Variants in EYS observed in about 807,000 individuals in gnomAD.
The protein encoded by EYS is protein eyes shut homolog.
A neutral mutation model predicts 282.1 loss-of-function variants in EYS; 250 were observed. The ratio of observed to expected loss-of-function variants is 0.89; its 90% CI spans 0.80 to 0.98. EYS has a LOEUF of 0.98. EYS is among the 50% of genes least tolerant of loss of function. The pLI, the probability that EYS is intolerant of heterozygous loss-of-function variation, is 0.00. For synonymous variants in EYS, 1,355 were observed against 1,282.9 expected (o/e 1.06, Z -1.20); for missense variants, 4,016 against 3,709.0 (o/e 1.08, Z -2.15).
At chr6:64,700,039 T>A (rs1770725248) in intron 22 of EYS, among the ~76,000 whole-genome samples, 1 of 151,954 alleles carries the variant, frequency 6.6e-6, no homozygotes, top group Admixed American at 6.6e-5. Flanking sequence ...TATACCATAA[T>A]CAAGTGGGTT....
At position 65,319,278 on chromosome 6, in the gene EYS, G is replaced by A. The variant is rs547825240; in HGVS notation, c.1766+15702C>T. 6.0e-5 allele frequency among the ~76,000 whole-genome samples: 9 copies of A among 150,484 alleles called. No individual in the cohort carries two copies. The South Asian group carries it at 1.9e-3, about 32-fold the overall frequency. On this transcript the variant is annotated intron_variant, in intron 11 of 42. Coordinates refer to ENST00000503581, the MANE Select transcript of EYS (RefSeq NM_001142800.2). ...GCCTGTAATCCCAGCTACTTGGGAG[G>A]CGGAGGCAGGAGAATCTCTTTAACC... is the stretch of plus-strand genomic sequence containing the variant.
At chr6:64,700,841 A>C (rs1770760925) in intron 22 of EYS, among the ~76,000 whole-genome samples, 1 of 152,050 alleles carries the variant, frequency 6.6e-6, no homozygotes, top group African/African-American at 2.4e-5. Flanking sequence ...TCAAAATATC[A>C]TCATCACGTT....
chr6:64,736,223 C>A (rs781651546), intron 22 of EYS, among the ~76,000 whole-genome samples: 5 of 152,030 alleles, frequency 3.3e-5, no homozygotes, highest in Non-Finnish European at 7.4e-5. Context: ...CTTTTCATTA[C>A]ATGTTTTAAG....
At chr6:64,782,866 G>A (rs765659982) in intron 22 of EYS, among the ~76,000 whole-genome samples, 5 of 152,132 alleles carry the variant, frequency 3.3e-5, no homozygotes, top group African/African-American at 9.7e-5. Flanking sequence ...TAGTATTTAC[G>A]ATTCAAGTAC....
chr6:64,994,896 G>A lies in EYS; in HGVS notation c.2259+2686C>T, dbSNP rs73765711. The stretch of plus-strand genomic sequence containing the variant: ...AGAAAGCATTAACTCAAAATTCAGG[G>A]CTCAAGCCTACATATATTCCATCGG... On this transcript the variant is annotated intron_variant, in intron 14 of 42. Coordinates refer to ENST00000503581, the MANE Select transcript of EYS (RefSeq NM_001142800.2). Among the ~76,000 whole-genome samples, 314 of 152,176 alleles carry A rather than the reference G, an allele frequency of 2.1e-3. 2 individuals carry two copies. Among genetic ancestry groups the A allele is most frequent in the African/African-American group, 7.0e-3 (290 of 41,504 alleles).
chr6:64,003,213 A>G (rs1020305163), intron 33 of EYS, among the ~76,000 whole-genome samples: 1 of 152,206 alleles, frequency 6.6e-6, no homozygotes, highest in Non-Finnish European at 1.5e-5. Flanking sequence ...AGGCATAGAA[A>G]GACAAACTTT....
At chr6:65,318,375 AC>A (rs1769372684) in intron 11 of EYS, among the ~76,000 whole-genome samples, 2 of 151,230 alleles carry the variant, frequency 1.3e-5, no homozygotes, top group African/African-American at 4.8e-5. Context: ...CTTAGAAATG[AC>A]TTACCATCAC....
At chr6:65,316,110 T>C (rs1476256777) in intron 11 of EYS, among the ~76,000 whole-genome samples, 1 of 152,226 alleles carries the variant, frequency 6.6e-6, no homozygotes. Flanking sequence ...AGTTAATTTG[T>C]AAAAGTTTAA....
chr6:64,937,173 TAA>T (rs141675692), intron 15 of EYS, among the ~76,000 whole-genome samples: 2,165 of 151,582 alleles, frequency 0.014, 54 homozygotes, highest in African/African-American at 0.05. Flanking sequence ...TATCTCAATA[TAA>T]GAGCTAAAAA....
chr6:64,339,299 C>T (rs1770997011), intron 29 of EYS, among the ~76,000 whole-genome samples: 1 of 151,742 alleles, frequency 6.6e-6, no homozygotes, highest in East Asian at 1.9e-4. Context: ...AAAAAGCAAT[C>T]CCATCAAAAG....
At chr6:64,058,563 A>C (rs1333866708) in intron 33 of EYS, among the ~76,000 whole-genome samples, 3 of 152,196 alleles carry the variant, frequency 2.0e-5, no homozygotes, top group Non-Finnish European at 2.9e-5. Context: ...TCACTTAATT[A>C]ACAAATTTCT....
chr6:64,559,114 T>C (rs1582893586), intron 26 of EYS, among the ~76,000 whole-genome samples: 1 of 152,336 alleles, frequency 6.6e-6, no homozygotes, highest in East Asian at 1.9e-4. Context: ...ATTCTGTTCA[T>C]GTTATTCCTC....
At chr6:64,940,295 T>C (rs150819476) in intron 15 of EYS, among the ~76,000 whole-genome samples, 3 of 152,146 alleles carry the variant, frequency 2.0e-5, no homozygotes, top group African/African-American at 7.2e-5. Flanking sequence ...TTCCCAGTGG[T>C]GTTTGTCTGG....
intron 26 of EYS, among the ~76,000 whole-genome samples, chr6:64,507,722 G>C (rs1422379538): frequency 6.7e-6 from 1 of 150,198 alleles, no homozygotes; most frequent in Non-Finnish European, 1.5e-5. Flanking sequence ...GAGGGAGGAA[G>C]AGATCCCACT....
chr6:64,200,090 CTATA>C (rs1765416311), intron 31 of EYS, among the ~76,000 whole-genome samples: 1 of 152,100 alleles, frequency 6.6e-6, no homozygotes, highest in Non-Finnish European at 1.5e-5. Flanking sequence ...AGGCTATAAA[CTATA>C]TAATCCCAAC....
chr6:65,413,167 C>T (rs1767091829), intron 5 of EYS, among the ~76,000 whole-genome samples: 3 of 151,994 alleles, frequency 2.0e-5, no homozygotes, highest in South Asian at 4.1e-4. Flanking sequence ...GCCTAGACCC[C>T]CAAATTAAGA....
intron 12 of EYS, among the ~76,000 whole-genome samples, chr6:65,153,773 T>C (rs1441765128): frequency 8.6e-5 from 13 of 151,816 alleles, no homozygotes; most frequent in Non-Finnish European, 7.4e-5. Context: ...AATATAGTCA[T>C]GTAAAAATTC....
intron 5 of EYS, among the ~76,000 whole-genome samples, chr6:65,415,855 T>G (rs1767211711): frequency 6.6e-6 from 1 of 152,046 alleles, no homozygotes; most frequent in Admixed American, 6.6e-5. Context: ...CTATCAAAAT[T>G]TATGGGCAGT....
intron 12 of EYS, among the ~76,000 whole-genome samples, chr6:65,293,539 C>T (rs768051983): frequency 4.6e-5 from 7 of 151,820 alleles, no homozygotes; most frequent in Non-Finnish European, 7.4e-5. Flanking sequence ...CTGCTTTCCT[C>T]ATGCTGTGTT....
Sources: allele counts gnomAD v4.1 joint callset (sites outside exome capture counted in the v4.1 genomes callset), GRCh38; gene constraint gnomAD v4.1.1; transcripts MANE v1.5; gene names NCBI Gene and HGNC (gene_info 2026-07-23, HGNC 2026-07-21).